The following PLEKHA5 variants were observed in gnomAD, a reference collection of about 807,000 sequenced individuals.
PLEKHA5 encodes pleckstrin homology domain-containing family A member 5.
Under a neutral mutation model 181.9 loss-of-function variants are expected in PLEKHA5, and 55 were observed. The ratio of observed to expected loss-of-function variants is 0.30; its 90% CI spans 0.24 to 0.38. The LOEUF (loss-of-function observed/expected upper bound fraction) is 0.38. Ranked by LOEUF, PLEKHA5 falls within the 10% of genes least tolerant of loss-of-function variation. The pLI is 1.00. For synonymous variants in PLEKHA5, 535 were observed against 529.4 expected, an observed-to-expected ratio of 1.01 and a Z score of -0.15; for missense variants, 1,432 against 1,549.5, an observed-to-expected ratio of 0.92 and a Z score of 1.27.
intron 6 of PLEKHA5, among the ~76,000 whole-genome samples, chr12:19,258,690 G>A (rs1781810638): frequency 6.6e-6 from 1 of 151,036 alleles, no homozygotes; most frequent in African/African-American, 2.4e-5. Context: ...TCAGCTTCAC[G>A]AGTAGCTGGG....
At chr12:19,287,403 T>C in intron 12 of PLEKHA5, 70 bp from the exon 13 acceptor site, 2 of 846,902 alleles carry the variant, frequency 2.4e-6, no homozygotes, top group Non-Finnish European at 4.0e-6. Context: ...ATTTAAGATT[T>C]CTCCTTGCTG....
At chr12:19,316,818 G>T (rs909160089) in intron 16 of PLEKHA5, among the ~76,000 whole-genome samples, 1 of 152,036 alleles carries the variant, frequency 6.6e-6, no homozygotes, top group Non-Finnish European at 1.5e-5. Flanking sequence ...TTTTCTCCAG[G>T]TTTCCCTCAT....
intron 6 of PLEKHA5, among the ~76,000 whole-genome samples, chr12:19,257,778 A>G (rs1437877576): frequency 6.6e-6 from 1 of 152,102 alleles, no homozygotes; most frequent in Non-Finnish European, 1.5e-5. Context: ...CTAGACTTAA[A>G]ATTAAATATA....
Position 19,369,709 on chromosome 12 carries a change from A to T in PLEKHA5, c.3771A>T (p.Pro1257=), listed in dbSNP as rs1198907167. Reference sequence around the variant, plus strand: ...GTGTTTTAGTGAAAAGTCTGTCCCCATCTCCTGAGTCCTCGGCATCGCCAG... The same window carrying T: ...GTGTTTTAGTGAAAAGTCTGTCCCCTTCTCCTGAGTCCTCGGCATCGCCAG... ...NQTMAVKSLS[P]SPESSASPVP... The change falls in exon 31 of 32, where the codon CCA becomes CCT. Residue 1257 remains proline, a synonymous_variant. Transcript: ENST00000429027. 1 of 1,610,548 alleles carries T rather than the reference A, an allele frequency of 6.2e-7. No homozygotes were observed. The highest frequency in any genetic ancestry group is 8.5e-7 in the Non-Finnish European group (1 of 1,178,038).
chr12:19,324,628 C>T (rs1449894880), intron 20 of PLEKHA5, among the ~76,000 whole-genome samples: 1 of 152,118 alleles, frequency 6.6e-6, no homozygotes, highest in Non-Finnish European at 1.5e-5. Context: ...GGAAGTAGTA[C>T]TGAGCTAATC....
At chr12:19,308,598 C>G (rs2085036164) in intron 15 of PLEKHA5, among the ~76,000 whole-genome samples, 1 of 152,068 alleles carries the variant, frequency 6.6e-6, no homozygotes, top group African/African-American at 2.4e-5. Flanking sequence ...TTATTCATTG[C>G]CATAATAGAG....
At chr12:19,273,652 C>T (rs150888415) in intron 10 of PLEKHA5, among the ~76,000 whole-genome samples, 20 of 152,190 alleles carry the variant, frequency 1.3e-4, no homozygotes, top group Middle Eastern at 6.8e-3. Flanking sequence ...CAGGGAAAGA[C>T]CTAGATATGG....
At chr12:19,297,295 A>T (rs145976362) in intron 15 of PLEKHA5, among the ~76,000 whole-genome samples, 1 of 151,684 alleles carries the variant, frequency 6.6e-6, no homozygotes, top group Non-Finnish European at 1.5e-5. Context: ...GAAGTTTTTC[A>T]TGACAAATCA....
At chr12:19,315,406 G>A (rs1202739569) in intron 16 of PLEKHA5, among the ~76,000 whole-genome samples, 1 of 151,998 alleles carries the variant, frequency 6.6e-6, no homozygotes, top group Non-Finnish European at 1.5e-5. Context: ...AACATACTGG[G>A]GGTATTTTGT....
chr12:19,311,868 TTTC>T (rs1464006289), intron 15 of PLEKHA5, among the ~76,000 whole-genome samples: 10 of 152,186 alleles, frequency 6.6e-5, no homozygotes, highest in African/African-American at 1.7e-4. Flanking sequence ...TTTCCAGAAG[TTTC>T]TTCTTTAATT....
At chr12:19,337,692 T>C (rs1439151714) in intron 21 of PLEKHA5, among the ~76,000 whole-genome samples, 1 of 152,074 alleles carries the variant, frequency 6.6e-6, no homozygotes, top group Non-Finnish European at 1.5e-5. Context: ...TAGTTGGAAA[T>C]GCATGGACTT....
At position 19,255,078 on chromosome 12, in the gene PLEKHA5, G is replaced by C. The variant is rs143238638; in HGVS notation, c.345G>C (p.Lys115Asn). The C allele has an allele frequency of 6.2e-7, 1 of 1,608,940 alleles. No homozygotes were observed. Among genetic ancestry groups the C allele is most frequent in the Non-Finnish European group, 8.5e-7 (1 of 1,176,516 alleles). ...CAACCATGACATCTGAAGAAAAGAA[G>C]GAACGGCCAATAAGTATGATAAATG... ...TVATMTSEEK[K>N]ERPISMINEA... Residue 115 changes from lysine to asparagine, a missense_variant, in exon 5 of 32, where the codon AAG becomes AAC. Lys to Asn is a moderately conservative substitution (Grantham distance 94). Coordinates refer to ENST00000429027, the MANE Select transcript of PLEKHA5 (RefSeq NM_001256470.2).
intron 3 of PLEKHA5, among the ~76,000 whole-genome samples, chr12:19,197,647 A>G (rs1479326483): frequency 7.1e-6 from 1 of 140,190 alleles, no homozygotes; most frequent in Non-Finnish European, 1.6e-5. Context: ...CACAGTTGGC[A>G]TTGTTGAAGT....
At chr12:19,159,401 G>A (rs2042466999) in intron 3 of PLEKHA5, among the ~76,000 whole-genome samples, 1 of 152,062 alleles carries the variant, frequency 6.6e-6, no homozygotes, top group Non-Finnish European at 1.5e-5. Context: ...TTTAAAAGTA[G>A]TTACCCACAA....
intron 16 of PLEKHA5, among the ~76,000 whole-genome samples, chr12:19,319,211 T>C (rs1038056324): frequency 1.3e-5 from 2 of 152,194 alleles, no homozygotes; most frequent in African/African-American, 4.8e-5. Flanking sequence ...TGTCATTAAA[T>C]TCATTTTTCA....
chr12:19,265,623 G>A, intron 7 of PLEKHA5, 127 bp from the exon 8 acceptor site: 1 of 596,960 alleles, frequency 1.7e-6, no homozygotes. Flanking sequence ...CCTTATAAAG[G>A]CCTGCCTGAA....
intron 29 of PLEKHA5, among the ~76,000 whole-genome samples, chr12:19,365,499 G>A (rs2095399643): frequency 2.0e-5 from 3 of 152,110 alleles, no homozygotes; most frequent in Admixed American, 2.0e-4. Flanking sequence ...GAATAAAAGG[G>A]ATCTGGGGCA....
intron 11 of PLEKHA5, among the ~76,000 whole-genome samples, chr12:19,281,170 G>A (rs1387897087): frequency 3.3e-5 from 5 of 150,782 alleles, no homozygotes; most frequent in South Asian, 2.1e-4. Flanking sequence ...CAGGAGGACC[G>A]GGCTGCAGTG....
At chr12:19,331,369 T>TA (rs2092811703) in intron 20 of PLEKHA5, among the ~76,000 whole-genome samples, 1 of 152,150 alleles carries the variant, frequency 6.6e-6, no homozygotes, top group Non-Finnish European at 1.5e-5. Flanking sequence ...GATTTTTTTT[T>TA]AAATAGAATT....
Sources: gnomAD v4.1 joint callset for allele counts (sites outside exome capture counted in the v4.1 genomes callset) on GRCh38, gnomAD v4.1.1 for gene constraint, MANE v1.5 for transcripts, NCBI Gene and HGNC (gene_info 2026-07-23, HGNC 2026-07-21) for gene names.